Variants in CNTNAP4 observed in about 807,000 individuals in gnomAD.
The protein encoded by CNTNAP4 is contactin associated protein family member 4, also known as contactin-associated protein-like 4.
A neutral mutation model predicts 148.4 loss-of-function variants in CNTNAP4; 98 were observed. That is an observed-to-expected ratio of 0.66 (90% CI 0.56 to 0.78). The LOEUF (loss-of-function observed/expected upper bound fraction) is 0.78, where lower values mean the gene tolerates loss of function less well. CNTNAP4 is among the 30% of genes least tolerant of loss of function. The probability of loss-of-function intolerance (pLI) is 0.00; values close to 1 mark genes in which losing one functional copy is unlikely to be tolerated. For missense variants in CNTNAP4, 1,935 were observed against 1,565.6 expected (o/e 1.24, Z -3.98); for synonymous variants, 730 against 565.1 (o/e 1.29, Z -4.14).
intron 3 of CNTNAP4, among the ~76,000 whole-genome samples, chr16:76,415,543 C>G (rs1279302800): frequency 6.6e-6 from 1 of 150,788 alleles, no homozygotes; most frequent in Non-Finnish European, 1.5e-5. Context: ...CTATTTATTA[C>G]CTTTGAAATC....
chr16:76,558,707 A>C lies in CNTNAP4; in HGVS notation c.*24A>C. 6.4e-7 allele frequency: 1 copy of C among 1,554,528 alleles called. No homozygotes were observed. Among genetic ancestry groups the C allele is most frequent in the Non-Finnish European group, 8.8e-7 (1 of 1,138,756 alleles). On this transcript the variant is annotated 3_prime_UTR_variant, in exon 24 of 24. Coordinates refer to ENST00000611870, the MANE Select transcript of CNTNAP4 (RefSeq NM_033401.5). Reference sequence around the variant, plus strand: ...GATTGGCAGCTATGATTTAACATAAAATTATGATAGTTTGTTTTAATAGCC... The same window carrying C: ...GATTGGCAGCTATGATTTAACATAACATTATGATAGTTTGTTTTAATAGCC...
intron 15 of CNTNAP4, among the ~76,000 whole-genome samples, chr16:76,513,128 G>C (rs1277412922): frequency 6.6e-6 from 1 of 152,166 alleles, no homozygotes; most frequent in Non-Finnish European, 1.5e-5. Context: ...GAGAGATCCA[G>C]TAAATAAATC....
chr16:76,310,047 G>T, intron 1 of CNTNAP4: 1 of 595,000 alleles, frequency 1.7e-6, no homozygotes. Flanking sequence ...CAGAAGTCTG[G>T]CTTCCTGGAC....
intron 11 of CNTNAP4, 128 bp downstream of exon 11, chr16:76,476,173 A>C: frequency 1.7e-6 from 1 of 600,830 alleles, no homozygotes; most frequent in Non-Finnish European, 2.9e-6. Flanking sequence ...TCCACATCTC[A>C]TTTCATAAAG....
chr16:76,483,425 A>G (rs1375736710), intron 12 of CNTNAP4, among the ~76,000 whole-genome samples: 1 of 152,178 alleles, frequency 6.6e-6, no homozygotes, highest in Non-Finnish European at 1.5e-5. Flanking sequence ...TTCACCAATC[A>G]ATACATAATC....
intron 2 of CNTNAP4, among the ~76,000 whole-genome samples, chr16:76,345,640 A>C (rs940978440): frequency 6.6e-6 from 1 of 151,988 alleles, no homozygotes; most frequent in African/African-American, 2.4e-5. Flanking sequence ...TTAGGCTCCT[A>C]CCCTCCCACA....
chr16:76,294,459 G>A (rs1959189375), intron 1 of CNTNAP4, among the ~76,000 whole-genome samples: 1 of 152,120 alleles, frequency 6.6e-6, no homozygotes. Flanking sequence ...TACACTGGCT[G>A]AATATGTTTC....
chr16:76,399,139 G>T (rs1002269264), intron 3 of CNTNAP4, among the ~76,000 whole-genome samples: 3 of 152,134 alleles, frequency 2.0e-5, no homozygotes, highest in African/African-American at 7.2e-5. Flanking sequence ...CAGCCATGTG[G>T]AACTGTGAGT....
intron 4 of CNTNAP4, among the ~76,000 whole-genome samples, chr16:76,428,846 C>G (rs1259460137): frequency 6.6e-6 from 1 of 151,954 alleles, no homozygotes; most frequent in Non-Finnish European, 1.5e-5. Flanking sequence ...TGCACTATTC[C>G]AAGCAGTTTA....
At chr16:76,354,697 A>T (rs1597295986) in intron 2 of CNTNAP4, among the ~76,000 whole-genome samples, 2 of 152,282 alleles carry the variant, frequency 1.3e-5, no homozygotes, top group African/African-American at 4.8e-5. Context: ...ACAAGCTCCA[A>T]CCCACCACTG....
At chr16:76,304,734 G>T (rs553433097) in intron 1 of CNTNAP4, among the ~76,000 whole-genome samples, 37 of 152,206 alleles carry the variant, frequency 2.4e-4, no homozygotes, top group Non-Finnish European at 4.1e-4. Flanking sequence ...TGACCAATCA[G>T]TGGGCAATAT....
At chr16:76,468,204 T>C (rs1056299788) in intron 10 of CNTNAP4, among the ~76,000 whole-genome samples, 1 of 152,146 alleles carries the variant, frequency 6.6e-6, no homozygotes. Context: ...GCTGGCGCAG[T>C]GGCTCATGCC....
chr16:76,522,105 C>T lies in CNTNAP4; in HGVS notation c.2603C>T (p.Pro868Leu). 1 of 1,613,850 alleles carries T rather than the reference C, an allele frequency of 6.2e-7. No individual in the cohort carries two copies. Among genetic ancestry groups the T allele is most frequent in the Non-Finnish European group, 8.5e-7 (1 of 1,179,856 alleles). Reference protein sequence around the residue: ...NGPFEISVQSPTHFNDNQWHH... With the variant: ...NGPFEISVQSLTHFNDNQWHH... ...CCTTTTGAAATCTCAGTGCAGTCAC[C>T]CACCCACTTCAACGACAACCAGTGG... The change falls in exon 17 of 24, where the codon CCC becomes CTC. Residue 868 changes from proline (P) to leucine (L), a missense_variant. Pro to Leu is a moderately conservative substitution (Grantham distance 98). Transcript: ENST00000611870.
intron 21 of CNTNAP4, 52 bp downstream of exon 21, chr16:76,540,842 G>A: frequency 6.2e-6 from 8 of 1,280,878 alleles, no homozygotes; most frequent in South Asian, 1.3e-5. Flanking sequence ...TGATACATAA[G>A]CATGGATCAG....
chr16:76,367,453 T>C (rs975456768), intron 3 of CNTNAP4, among the ~76,000 whole-genome samples: 10 of 152,048 alleles, frequency 6.6e-5, no homozygotes, highest in African/African-American at 2.2e-4. Flanking sequence ...CATAAAAATA[T>C]AACATATATA....
intron 17 of CNTNAP4, among the ~76,000 whole-genome samples, chr16:76,534,564 A>C (rs895413257): frequency 2.0e-5 from 3 of 152,108 alleles, no homozygotes; most frequent in Non-Finnish European, 4.4e-5. Flanking sequence ...CCTGGACACA[A>C]ATTTATGTAT....
intron 11 of CNTNAP4, among the ~76,000 whole-genome samples, chr16:76,477,817 G>A (rs66787740): frequency 1.3e-5 from 2 of 152,080 alleles, no homozygotes; most frequent in Middle Eastern, 3.4e-3. Flanking sequence ...TGTTTTCATC[G>A]ACTATTCATT....
intron 3 of CNTNAP4, among the ~76,000 whole-genome samples, chr16:76,424,264 A>G (rs1221096059): frequency 3.9e-5 from 6 of 152,126 alleles, no homozygotes; most frequent in Non-Finnish European, 8.8e-5. Flanking sequence ...TTGAACTCAC[A>G]TTAATTTTGA....
intron 3 of CNTNAP4, among the ~76,000 whole-genome samples, chr16:76,364,053 A>G (rs1035494086): frequency 6.6e-5 from 10 of 151,922 alleles, no homozygotes; most frequent in Admixed American, 1.3e-4. Flanking sequence ...CCTAGCCAGT[A>G]TGGTAAAATC....
Sources: allele counts gnomAD v4.1 joint callset (sites outside exome capture counted in the v4.1 genomes callset), GRCh38; gene constraint gnomAD v4.1.1; transcripts MANE v1.5; gene names NCBI Gene and HGNC (gene_info 2026-07-23, HGNC 2026-07-21).